VIPAS39: variants seen among roughly 807,000 people sequenced by gnomAD.
The protein encoded by VIPAS39 is VPS33B interacting protein, apical-basolateral polarity regulator, spe-39 homolog.
VIPAS39 carries 63 observed loss-of-function variants against 84.7 expected under a neutral mutation model. The observed-to-expected ratio is 0.74, with a 90% confidence interval of 0.61 to 0.92. The LOEUF (loss-of-function observed/expected upper bound fraction) is 0.92. VIPAS39 is among the 40% of genes least tolerant of loss of function. VIPAS39 has a pLI of 0.00. For synonymous variants in VIPAS39, 192 were observed against 216.5 expected (o/e 0.89, Z 0.99); for missense variants, 499 against 604.5 (o/e 0.83, Z 1.83).
chr14:77,427,208 G>A lies in VIPAS39; in HGVS notation c.*408C>T. 1 of 246,424 alleles carries A rather than the reference G, an allele frequency of 4.1e-6. No individual in the cohort carries two copies. Among genetic ancestry groups the A allele is most frequent in the Non-Finnish European group, 8.0e-6 (1 of 124,904 alleles). The allele number at this position is 246,424 out of a possible 1,614,324, so 15.3% of individuals were successfully genotyped here. A position where few individuals can be genotyped will look rare whatever the true frequency, so the allele number is the denominator to read the frequency against. On this transcript the variant is annotated 3_prime_UTR_variant, in exon 20 of 20. Transcript: ENST00000557658. ...TGGTTCTGTTCTGACTTCATTCAGA[G>A]CAGAACTGCCAATGTCCAGCGCCAA...
chr14:77,433,743 A>G, intron 16 of VIPAS39, 99 bp downstream of exon 16: 2 of 1,308,864 alleles, frequency 1.5e-6, no homozygotes, highest in South Asian at 1.3e-5. Context: ...TGGAAAATAA[A>G]AAGTTGGAGG....
chr14:77,434,002 G>T (rs2078565750), intron 15 of VIPAS39, 71 bp from the exon 16 acceptor site: 1 of 1,503,702 alleles, frequency 6.7e-7, no homozygotes, highest in African/African-American at 1.4e-5. Context: ...AAGAATTTTA[G>T]AAAAGACAGA....
chr14:77,443,679 G>A (rs542124361), intron 8 of VIPAS39, among the ~76,000 whole-genome samples: 1 of 152,160 alleles, frequency 6.6e-6, no homozygotes, highest in African/African-American at 2.4e-5. Context: ...TGGATCACCT[G>A]AGGTCAGGAG....
At chr14:77,427,991 A>T (rs1054738816) in intron 19 of VIPAS39, among the ~76,000 whole-genome samples, 7 of 152,048 alleles carry the variant, frequency 4.6e-5, no homozygotes, top group African/African-American at 1.5e-4. Flanking sequence ...GCTAACATCT[A>T]TTTCACCCAC....
At chr14:77,453,437 A>T (rs1196782473) in intron 2 of VIPAS39, 36 bp from the exon 3 acceptor site, 1 of 1,590,584 alleles carries the variant, frequency 6.3e-7, no homozygotes, top group African/African-American at 1.3e-5. Context: ...GCTCAGGCAA[A>T]TCATCATTTC....
chr14:77,443,517 G>C (rs1201774943), intron 8 of VIPAS39, among the ~76,000 whole-genome samples: 1 of 152,184 alleles, frequency 6.6e-6, no homozygotes, highest in Non-Finnish European at 1.5e-5. Context: ...GGGAGGCTAA[G>C]GCAGGGAGAT....
chr14:77,435,185 T>A, intron 14 of VIPAS39, 74 bp downstream of exon 14: 1 of 1,604,980 alleles, frequency 6.2e-7, no homozygotes, highest in South Asian at 1.1e-5. Flanking sequence ...ATAGAGTACA[T>A]AAAAGTACTG....
chr14:77,449,484 G>C, intron 5 of VIPAS39, 127 bp from the exon 6 acceptor site: 1 of 1,319,646 alleles, frequency 7.6e-7, no homozygotes, highest in East Asian at 2.3e-5. Flanking sequence ...ATGGCCAAAA[G>C]CAGATCTCCG....
intron 4 of VIPAS39, among the ~76,000 whole-genome samples, 197 bp downstream of exon 4, chr14:77,450,990 C>T (rs2078872113): frequency 1.3e-5 from 2 of 152,200 alleles, no homozygotes. Flanking sequence ...CAATTTCATT[C>T]ATCATGCTAT....
chr14:77,443,203 G>T lies in VIPAS39; in HGVS notation c.598-51C>A, dbSNP rs373929814. 4 of 1,610,326 alleles carry T rather than the reference G, an allele frequency of 2.5e-6. No individual in the cohort carries two copies. In the African/African-American group the frequency reaches 5.3e-5, roughly 22 times the overall value. ...TGCAAACTTTCCAACACAGAGTCATGCCCTGAGCACTACAGACACGGGGCC... is the reference window on the plus strand; with the variant it reads ...TGCAAACTTTCCAACACAGAGTCATTCCCTGAGCACTACAGACACGGGGCC... On this transcript the variant is annotated intron_variant, in intron 8 of 19. Transcript: ENST00000557658.
intron 8 of VIPAS39, among the ~76,000 whole-genome samples, chr14:77,444,041 C>CAAAAA (rs35983631): frequency 8.6e-5 from 11 of 127,842 alleles, no homozygotes; most frequent in Non-Finnish European, 1.3e-4. Flanking sequence ...ACCCTGTCTC[C>CAAAAA]AAAAAAAAAA....
intron 11 of VIPAS39, among the ~76,000 whole-genome samples, chr14:77,438,251 G>A (rs1014801365): frequency 3.6e-5 from 5 of 137,134 alleles, no homozygotes; most frequent in Non-Finnish European, 6.2e-5. Flanking sequence ...TTTTTGAGAC[G>A]AAGTCTCACT....
intron 7 of VIPAS39, 147 bp from the exon 8 acceptor site, chr14:77,444,488 A>G: frequency 1.5e-6 from 1 of 683,766 alleles, no homozygotes; most frequent in Non-Finnish European, 2.4e-6. Context: ...AGCACTTATA[A>G]AACAGTTGGC....
intron 12 of VIPAS39, 105 bp from the exon 13 acceptor site, chr14:77,436,024 C>T (rs540689174): frequency 9.4e-7 from 1 of 1,067,200 alleles, no homozygotes; most frequent in Non-Finnish European, 1.5e-6. Context: ...CGGTGCCTCA[C>T]AAGTCTGATC....
chr14:77,457,087 C>T lies in VIPAS39; in HGVS notation c.-1+408G>A. 6.4e-6 allele frequency: 9 copies of T among 1,398,932 alleles called. No individual in the cohort carries two copies. The South Asian group carries it at 1.3e-4, about 20-fold the overall frequency. 86.7% of individuals were successfully genotyped at this position (1,398,932 alleles called of 1,614,324 possible). ...TCCCTGCCTCAGAAAACTCCAAAAA[C>T]CACCTACTGAGAAGTCAGACTTGGT... On this transcript the variant is annotated intron_variant, in intron 1 of 19. Coordinates refer to ENST00000557658, the MANE Select transcript of VIPAS39 (RefSeq NM_001193315.2).
At chr14:77,453,582 G>C (rs1349236107) in intron 2 of VIPAS39, among the ~76,000 whole-genome samples, 181 bp from the exon 3 acceptor site, 1 of 152,096 alleles carries the variant, frequency 6.6e-6, no homozygotes, top group Non-Finnish European at 1.5e-5. Flanking sequence ...CAACACTACA[G>C]TCCAGTGATA....
chr14:77,435,771 A>G (rs374587344), intron 13 of VIPAS39, 73 bp downstream of exon 13: 1 of 1,522,818 alleles, frequency 6.6e-7, no homozygotes, highest in South Asian at 1.1e-5. Context: ...TGCAGAGCAT[A>G]GAAATCTCCT....
chr14:77,446,342 C>T (rs944186315), intron 7 of VIPAS39, among the ~76,000 whole-genome samples: 5 of 152,050 alleles, frequency 3.3e-5, no homozygotes, highest in East Asian at 1.9e-4. Flanking sequence ...CTCGCTCTCT[C>T]GCCCAGGTTG....
intron 19 of VIPAS39, 36 bp downstream of exon 19, chr14:77,428,334 C>T (rs767491725): frequency 6.3e-7 from 1 of 1,587,286 alleles, no homozygotes; most frequent in Non-Finnish European, 8.6e-7. Flanking sequence ...TGTCTGTCTC[C>T]TGAGCCTGCT....
Sources: gnomAD v4.1 joint callset for allele counts (sites outside exome capture counted in the v4.1 genomes callset) on GRCh38, gnomAD v4.1.1 for gene constraint, MANE v1.5 for transcripts, NCBI Gene and HGNC (gene_info 2026-07-23, HGNC 2026-07-21) for gene names.